The following FNIP1 variants were observed in gnomAD, a reference collection of about 807,000 sequenced individuals.
The protein encoded by FNIP1 is folliculin-interacting protein 1.
Under a neutral mutation model 124.5 loss-of-function variants are expected in FNIP1, and 40 were observed. That is an observed-to-expected ratio of 0.32 (90% CI 0.25 to 0.42). FNIP1 has a LOEUF of 0.42. Ranked by LOEUF, FNIP1 falls within the 10% of genes least tolerant of loss-of-function variation. The pLI is 1.00. For missense variants in FNIP1, 1,176 were observed against 1,403.7 expected, an observed-to-expected ratio of 0.84 and a Z score of 2.59; for synonymous variants, 472 against 470.6, an observed-to-expected ratio of 1.00 and a Z score of -0.04.
intron 15 of FNIP1, among the ~76,000 whole-genome samples, chr5:131,660,459 G>A (rs1767391564): frequency 6.6e-6 from 1 of 152,076 alleles, no homozygotes; most frequent in Non-Finnish European, 1.5e-5. Flanking sequence ...ACCCACTCCT[G>A]TAGCCCCATC....
At chr5:131,785,059 C>CAT (rs200162834) in intron 1 of FNIP1, among the ~76,000 whole-genome samples, 1 of 10,986 alleles carries the variant, frequency 9.1e-5, no homozygotes, top group Admixed American at 9.0e-4. Flanking sequence ...CTATATATAT[C>CAT]ATATATATGA....
chr5:131,758,937 C>T (rs1374541725), intron 1 of FNIP1, among the ~76,000 whole-genome samples: 1 of 152,004 alleles, frequency 6.6e-6, no homozygotes, highest in Non-Finnish European at 1.5e-5. Flanking sequence ...AAAAGGGCCA[C>T]AGTACATAGG....
chr5:131,745,784 C>A (rs1294146434), intron 1 of FNIP1, among the ~76,000 whole-genome samples: 1 of 152,152 alleles, frequency 6.6e-6, no homozygotes, highest in East Asian at 1.9e-4. Context: ...CACACACACA[C>A]AGATAGCTAC....
intron 1 of FNIP1, among the ~76,000 whole-genome samples, chr5:131,763,855 T>C (rs957074781): frequency 5.3e-5 from 8 of 152,234 alleles, no homozygotes. Context: ...TTATCAGTAA[T>C]TCCTAACCAT....
intron 15 of FNIP1, among the ~76,000 whole-genome samples, chr5:131,658,652 G>A (rs1050919510): frequency 3.3e-5 from 5 of 151,954 alleles, no homozygotes; most frequent in African/African-American, 9.7e-5. Flanking sequence ...TAATTTACAT[G>A]AAAGCAATGC....
chr5:131,744,542 C>G, intron 2 of FNIP1, 22 bp downstream of exon 2: 1 of 1,571,572 alleles, frequency 6.4e-7, no homozygotes, highest in Non-Finnish European at 8.6e-7. Flanking sequence ...TAAAAGTCAA[C>G]CAAATCAATA....
At chr5:131,719,265 C>A (rs547894480) in intron 4 of FNIP1, 52 bp downstream of exon 4, 102 of 1,534,520 alleles carry the variant, frequency 6.6e-5, no homozygotes, top group Non-Finnish European at 8.7e-5. Context: ...TCTAAAAAAA[C>A]GAAAATATCT....
intron 1 of FNIP1, among the ~76,000 whole-genome samples, chr5:131,779,472 G>A (rs934515871): frequency 1.3e-5 from 2 of 151,632 alleles, no homozygotes; most frequent in African/African-American, 2.4e-5. Context: ...AAGGTCAGGA[G>A]ATCGAGACCA....
intron 2 of FNIP1, among the ~76,000 whole-genome samples, chr5:131,743,784 C>T (rs901368321): frequency 6.6e-6 from 1 of 152,104 alleles, no homozygotes; most frequent in Non-Finnish European, 1.5e-5. Flanking sequence ...CAGAAGACAG[C>T]CCTCACAAAA....
intron 10 of FNIP1, among the ~76,000 whole-genome samples, chr5:131,701,120 T>G (rs1178546350): frequency 2.6e-5 from 4 of 152,074 alleles, no homozygotes; most frequent in Admixed American, 2.6e-4. Flanking sequence ...AGCATTAGAT[T>G]CTCATAGGAG....
intron 2 of FNIP1, among the ~76,000 whole-genome samples, chr5:131,739,713 T>G (rs1021871834): frequency 6.8e-6 from 1 of 146,870 alleles, no homozygotes; most frequent in Non-Finnish European, 1.5e-5. Flanking sequence ...CTCGGGAGGC[T>G]GAGGCAGGAG....
intron 1 of FNIP1, among the ~76,000 whole-genome samples, chr5:131,756,736 C>T (rs377482466): frequency 6.6e-6 from 1 of 152,128 alleles, no homozygotes; most frequent in East Asian, 1.9e-4. Flanking sequence ...TAAAAAGCAG[C>T]GGTCAAGCAT....
At chr5:131,767,430 A>C (rs1267657713) in intron 1 of FNIP1, among the ~76,000 whole-genome samples, 1 of 112,248 alleles carries the variant, frequency 8.9e-6, no homozygotes, top group East Asian at 2.2e-4. Flanking sequence ...TCTGTCTCAA[A>C]AAAAAAAAAA....
At chr5:131,668,894 G>A (rs959489319) in intron 15 of FNIP1, among the ~76,000 whole-genome samples, 5 of 152,162 alleles carry the variant, frequency 3.3e-5, no homozygotes, top group African/African-American at 9.7e-5. Flanking sequence ...GCTAATCCTT[G>A]ATGTATATGG....
At chr5:131,794,958 C>T (rs575742112) in intron 1 of FNIP1, among the ~76,000 whole-genome samples, 1 of 152,212 alleles carries the variant, frequency 6.6e-6, no homozygotes, top group South Asian at 2.1e-4. Context: ...CAACTGTATA[C>T]GATGTATGCT....
rs558053603 is a variant in FNIP1 at position 131,732,526 on chromosome 5, C to T, written c.220-1488G>A. Among the ~76,000 whole-genome samples the T allele has an allele frequency of 3.9e-5, 6 of 152,258 alleles. No homozygotes were observed. In the East Asian group the frequency reaches 1.2e-3, roughly 29 times the overall value. ...TTTGTATAAGGTGTAAGGAAGGGAT[C>T]CAGTTTCAGCTTTCTACATATGGCT... On this transcript the variant is annotated intron_variant, in intron 2 of 17. Coordinates refer to ENST00000510461, the MANE Select transcript of FNIP1 (RefSeq NM_133372.3).
At chr5:131,649,321 AT>A (rs1400311277) in intron 16 of FNIP1, among the ~76,000 whole-genome samples, 2 of 152,140 alleles carry the variant, frequency 1.3e-5, no homozygotes, top group Non-Finnish European at 2.9e-5. Flanking sequence ...AATACTTACT[AT>A]TTTTTGTGGA....
chr5:131,719,844 T>C (rs1363447336), intron 3 of FNIP1, among the ~76,000 whole-genome samples: 4 of 152,228 alleles, frequency 2.6e-5, no homozygotes, highest in Non-Finnish European at 1.5e-5. Context: ...TTACTACTCC[T>C]GTTGTATATA....
At chr5:131,768,050 C>T (rs908662940) in intron 1 of FNIP1, among the ~76,000 whole-genome samples, 1 of 151,994 alleles carries the variant, frequency 6.6e-6, no homozygotes, top group Admixed American at 6.5e-5. Context: ...CATAGTATTA[C>T]TATCATCATT....
Sources: allele counts gnomAD v4.1 joint callset (sites outside exome capture counted in the v4.1 genomes callset), GRCh38; gene constraint gnomAD v4.1.1; transcripts MANE v1.5; gene names NCBI Gene and HGNC (gene_info 2026-07-23, HGNC 2026-07-21).